SMARCC1: variants seen among roughly 807,000 people sequenced by gnomAD.
SMARCC1 encodes SWI/SNF related BAF chromatin remodeling complex subunit C1.
In SMARCC1, 43 loss-of-function variants were observed where a neutral mutation model predicts 147.4. That is an observed-to-expected ratio of 0.29 (90% CI 0.23 to 0.38). The LOEUF is 0.38. Among genes scored for constraint, SMARCC1 ranks in the 10% least tolerant of loss-of-function variants. The pLI is 1.00. For missense variants in SMARCC1, 1,119 were observed against 1,381.1 expected (o/e 0.81, Z 3.01); for synonymous variants, 495 against 484.4 (o/e 1.02, Z -0.29).
chr3:47,662,341 C>T lies in SMARCC1; in HGVS notation c.2151G>A (p.Ala717=), dbSNP rs150693834. The T allele has an allele frequency of 5.9e-5, 96 of 1,613,774 alleles. No individual in the cohort carries two copies. The highest frequency in any genetic ancestry group is 7.4e-5 in the Non-Finnish European group (87 of 1,179,956). The change falls in exon 20 of 28, where the codon GCG becomes GCA. Residue 717 remains alanine (A), a synonymous_variant. Coordinates refer to ENST00000254480, the MANE Select transcript of SMARCC1 (RefSeq NM_003074.4). ...DPRVASAAAK[A]ALEEFSRVRE... Reference sequence around the variant, plus strand: ...GTTTAGGGAAGTCCATACCCAAAGCCGCTTTTGCTGCAGCAGATGCCACGC... The same window carrying T: ...GTTTAGGGAAGTCCATACCCAAAGCTGCTTTTGCTGCAGCAGATGCCACGC...
rs537071180 is a variant in SMARCC1 at position 47,693,317 on chromosome 3, AAG to A, written c.1166-19_1166-18del. 396 of 1,448,186 alleles carry A rather than the reference AAG, an allele frequency of 2.7e-4. 1 individual carries two copies. The highest frequency in any genetic ancestry group is 1.4e-3 in the Middle Eastern group (8 of 5,750). 89.7% of individuals were successfully genotyped at this position (1,448,186 alleles called of 1,614,324 possible). ...TTAGGTTCACTAGAAAAAGAAAAAAAAGAGTTATGTTTATGTGGGAAAAGTTG... is the reference window on the plus strand; with the variant it reads ...TTAGGTTCACTAGAAAAAGAAAAAAAAGTTATGTTTATGTGGGAAAAGTTG... On this transcript the variant is annotated intron_variant, in intron 11 of 27. Transcript: ENST00000254480.
intron 19 of SMARCC1, among the ~76,000 whole-genome samples, chr3:47,668,189 T>A (rs1467299684): frequency 6.6e-6 from 1 of 152,182 alleles, no homozygotes; most frequent in Admixed American, 6.5e-5. Flanking sequence ...CATGGCCTTT[T>A]ATAGCTACTT....
intron 4 of SMARCC1, among the ~76,000 whole-genome samples, chr3:47,736,472 A>G (rs553592561): frequency 3.5e-4 from 53 of 151,846 alleles, no homozygotes; most frequent in Non-Finnish European, 6.6e-4. Context: ...TCAGGAGATC[A>G]AGACCATCCT....
chr3:47,610,584 G>C, intron 25 of SMARCC1: 1 of 506,668 alleles, frequency 2.0e-6, no homozygotes, highest in East Asian at 3.6e-5. Context: ...TCCCGCAGTA[G>C]GGCTACTGCT....
At chr3:47,627,617 TCGAGG>T (rs1469692863) in intron 24 of SMARCC1, among the ~76,000 whole-genome samples, 1 of 152,132 alleles carries the variant, frequency 6.6e-6, no homozygotes, top group African/African-American at 2.4e-5. Context: ...GGTAAAGAGC[TCGAGG>T]TGCGGCTATA....
chr3:47,718,305 T>C (rs1343305713), intron 7 of SMARCC1, among the ~76,000 whole-genome samples: 3 of 151,636 alleles, frequency 2.0e-5, no homozygotes, highest in Non-Finnish European at 2.9e-5. Context: ...ATTAGCCAGG[T>C]GTGGTGGCAT....
chr3:47,692,185 C>T (rs2033797516), intron 12 of SMARCC1, among the ~76,000 whole-genome samples: 1 of 152,204 alleles, frequency 6.6e-6, no homozygotes, highest in African/African-American at 2.4e-5. Context: ...GAAATCAAGC[C>T]TAATGTCTCA....
chr3:47,777,087 TA>T (rs2034983648), intron 1 of SMARCC1, among the ~76,000 whole-genome samples: 1 of 146,516 alleles, frequency 6.8e-6, no homozygotes, highest in African/African-American at 2.5e-5. Context: ...GGTAAATATT[TA>T]TTTTTTTTTT....
intron 19 of SMARCC1, chr3:47,663,713 A>T (rs2033382021): frequency 6.7e-7 from 1 of 1,498,212 alleles, no homozygotes; most frequent in South Asian, 1.1e-5. Flanking sequence ...GAATCCAGAG[A>T]GTTTCAAGGA....
At chr3:47,661,220 C>A in intron 21 of SMARCC1, 74 bp downstream of exon 21, 1 of 1,322,522 alleles carries the variant, frequency 7.6e-7, no homozygotes, top group Non-Finnish European at 1.0e-6. Context: ...TGCAAGTAAA[C>A]CCAATTATTT....
At chr3:47,730,475 A>G (rs148237109) in intron 5 of SMARCC1, among the ~76,000 whole-genome samples, 50 of 152,240 alleles carry the variant, frequency 3.3e-4, no homozygotes, top group Non-Finnish European at 5.4e-4. Context: ...AGTGAGAGAG[A>G]CCCTGTCTCT....
intron 15 of SMARCC1, among the ~76,000 whole-genome samples, chr3:47,679,861 CAAAAA>C (rs35582823): frequency 1.3e-5 from 1 of 78,500 alleles, no homozygotes; most frequent in Non-Finnish European, 2.4e-5. Flanking sequence ...GACTCCATCT[CAAAAA>C]AAAAAAAAAA....
chr3:47,657,971 A>G (rs2033285925), intron 21 of SMARCC1, among the ~76,000 whole-genome samples: 1 of 152,044 alleles, frequency 6.6e-6, no homozygotes, highest in Non-Finnish European at 1.5e-5. Flanking sequence ...CTCTACCTTA[A>G]AACAACCAGG....
intron 2 of SMARCC1, among the ~76,000 whole-genome samples, chr3:47,767,846 C>T (rs2034859443): frequency 6.6e-6 from 1 of 150,398 alleles, no homozygotes; most frequent in South Asian, 2.1e-4. Context: ...CCAGCCTGGA[C>T]AACGACAACA....
At chr3:47,753,712 C>CAAAAAAAAAAAAAA in intron 2 of SMARCC1, among the ~76,000 whole-genome samples, 1 of 69,606 alleles carries the variant, frequency 1.4e-5, no homozygotes, top group Non-Finnish European at 2.6e-5. Flanking sequence ...AACTCCATCT[C>CAAAAAAAAAAAAAA]AAAAAAAAAA....
rs566256779 is a variant in SMARCC1 at position 47,615,674 on chromosome 3, C to CTTTCT, written c.2782-5352_2782-5348dup. Among the ~76,000 whole-genome samples the CTTTCT allele has an allele frequency of 4.0e-3, 604 of 152,162 alleles. 3 individuals are homozygous for CTTTCT. Among genetic ancestry groups the CTTTCT allele is most frequent in the African/African-American group, 0.014 (572 of 41,520 alleles). ...CCTCTTTTCTGAAGGTACACAATTT[C>CTTTCT]TTTCTTTTCTTTTCTTTTCTTTTTT... is the stretch of plus-strand genomic sequence containing the variant. On this transcript the variant is annotated intron_variant, in intron 25 of 27. Coordinates refer to ENST00000254480, the MANE Select transcript of SMARCC1 (RefSeq NM_003074.4).
intron 18 of SMARCC1, among the ~76,000 whole-genome samples, chr3:47,673,395 A>AAGGGG (rs1553682242): frequency 1.3e-4 from 2 of 15,878 alleles, no homozygotes; most frequent in African/African-American, 3.4e-4. Context: ...CAAAAAAAAA[A>AAGGGG]GGGTGGGGGG....
At position 47,687,783 on chromosome 3, in the gene SMARCC1, AAG is replaced by A. The variant is rs531362367; in HGVS notation, c.1263+1602_1263+1603del. On this transcript the variant is annotated intron_variant, in intron 13 of 27. Coordinates refer to ENST00000254480, the MANE Select transcript of SMARCC1 (RefSeq NM_003074.4). ...TGCACTCAGCACTTTTTATTAAAAAAAGAGTGTCTTGCACTGTCACCCAGGCT... is the reference window on the plus strand; with the variant it reads ...TGCACTCAGCACTTTTTATTAAAAAAAGTGTCTTGCACTGTCACCCAGGCT... Among the ~76,000 whole-genome samples, 21 of 152,290 alleles carry A rather than the reference AAG, an allele frequency of 1.4e-4. No homozygotes were observed. The East Asian group carries it at 3.1e-3, about 22-fold the overall frequency.
chr3:47,662,546 A>G lies in SMARCC1; in HGVS notation c.1946T>C (p.Val649Ala). The G allele has an allele frequency of 1.2e-6, 2 of 1,614,056 alleles. No homozygotes were observed. The highest frequency in any genetic ancestry group is 1.7e-6 in the Non-Finnish European group (2 of 1,179,908). The change falls in exon 20 of 28, where the codon GTT becomes GCT. Residue 649 changes from valine (V) to alanine (A), a missense_variant. By Grantham distance (64) the Val-to-Ala change is moderately conservative (BLOSUM62 0). This residue lies in a region of SMARCC1 where 178 missense variants were observed against 264.6 expected (regional missense o/e 0.67). Coordinates refer to ENST00000254480, the MANE Select transcript of SMARCC1 (RefSeq NM_003074.4). ...GCATTCATCCTGAGTACGACTTCCAACATGTTCCGACACTTTGTTCCAATC... is the reference window on the plus strand; with the variant it reads ...GCATTCATCCTGAGTACGACTTCCAGCATGTTCCGACACTTTGTTCCAATC... ...KDDWNKVSEH[V>A]GSRTQDECIL...
Sources: gnomAD v4.1 joint callset for allele counts (sites outside exome capture counted in the v4.1 genomes callset) on GRCh38, gnomAD v4.1.1 for gene constraint, gnomAD v4.1.1 regional missense constraint, MANE v1.5 for transcripts, NCBI Gene and HGNC (gene_info 2026-07-23, HGNC 2026-07-21) for gene names.